DEFB129: variants seen among roughly 807,000 people sequenced by gnomAD.
DEFB129 encodes defensin beta 129.
In DEFB129, 2 loss-of-function variants were observed where a neutral mutation model predicts 2.5. That is an observed-to-expected ratio of 0.80 (90% CI 0.33 to 2.53). DEFB129 has a LOEUF of 2.53. Among genes scored for constraint, DEFB129 ranks in the 30% most tolerant of loss-of-function variants. DEFB129 has a pLI of 0.11. For synonymous variants in DEFB129, 76 were observed against 74.4 expected (o/e 1.02, Z -0.11); for missense variants, 177 against 216.9 (o/e 0.82, Z 1.16).
rs546734322 is a variant in DEFB129 at position 229,329 on chromosome 20, A to G, written c.110A>G (p.His37Arg). The change falls in exon 2 of 2, where the codon CAC becomes CGC. Residue 37 changes from histidine (H) to arginine (R), a missense_variant. Coordinates refer to ENST00000246105, the MANE Select transcript of DEFB129 (RefSeq NM_080831.4). ...ATGGGTTTGGGGAGATGCAGGGATC[A>G]CTGCAATGTGGATGAAAAAGAGATA... ...CLMGLGRCRD[H>R]CNVDEKEIQK... 3.1e-6 allele frequency: 5 copies of G among 1,613,226 alleles called. No individual in the cohort carries two copies. The East Asian group carries it at 8.9e-5, about 29-fold the overall frequency.
chr20:229,226 A>G (rs1568480389), intron 1 of DEFB129, 52 bp from the exon 2 acceptor site: 4 of 1,529,714 alleles, frequency 2.6e-6, no homozygotes, highest in East Asian at 4.5e-5. Context: ...CAGTTTTAAC[A>G]TCATCTCTAG....
At chr20:228,985 T>C (rs1331328665) in intron 1 of DEFB129, among the ~76,000 whole-genome samples, 2 of 152,224 alleles carry the variant, frequency 1.3e-5, no homozygotes, top group Admixed American at 6.5e-5. Flanking sequence ...AGATGCTAAG[T>C]TGAAGGTCTA....
chr20:229,706 G>T lies in DEFB129; in HGVS notation c.487G>T (p.Ala163Ser). Residue 163 changes from alanine (A) to serine (S), a missense_variant, in exon 2 of 2, where the codon GCA becomes TCA. Transcript: ENST00000246105. ...RDSATASPPP[A>S]PPPPNILPTP... ...TTCTGCCACTGCCTCGCCACCACCA[G>T]CACCACCTCCACCAAACATACTGCC... 2 of 1,613,660 alleles carry T rather than the reference G, an allele frequency of 1.2e-6. No individual in the cohort carries two copies. Among genetic ancestry groups the T allele is most frequent in the Non-Finnish European group, 1.7e-6 (2 of 1,179,994 alleles).
At position 229,871 on chromosome 20, in the gene DEFB129, T is replaced by G. The variant is rs2011322881; in HGVS notation, c.*100T>G. On this transcript the variant is annotated 3_prime_UTR_variant, in exon 2 of 2. Coordinates refer to ENST00000246105, the MANE Select transcript of DEFB129 (RefSeq NM_080831.4). ...CTGTCATCAGTCATTCAATAAACAC[T>G]GTTTGAGCACCTACAGTTTATGTAA... 1 of 1,442,380 alleles carries G rather than the reference T, an allele frequency of 6.9e-7. No individual in the cohort carries two copies. Among genetic ancestry groups the G allele is most frequent in the Non-Finnish European group, 9.2e-7 (1 of 1,089,434 alleles). 89.3% of individuals were successfully genotyped at this position (1,442,380 alleles called of 1,614,324 possible). A position where few individuals can be genotyped will look rare whatever the true frequency, so the allele number is the denominator to read the frequency against.
intron 1 of DEFB129, among the ~76,000 whole-genome samples, chr20:227,694 C>CTTTT (rs111503819): frequency 6.3e-5 from 9 of 143,438 alleles, no homozygotes; most frequent in South Asian, 2.1e-4. Context: ...CTTAAAAGCC[C>CTTTT]TTTTTTTTTA....
chr20:229,828 G>T lies in DEFB129; in HGVS notation c.*57G>T. The stretch of plus-strand genomic sequence containing the variant: ...TCTCTATTTTTGCTATCTATAAAAT[G>T]ACATAGAACTGTTTCCTCTGTCATC... On this transcript the variant is annotated 3_prime_UTR_variant, in exon 2 of 2. Coordinates refer to ENST00000246105, the MANE Select transcript of DEFB129 (RefSeq NM_080831.4). 1 of 1,545,784 alleles carries T rather than the reference G, an allele frequency of 6.5e-7. No homozygotes were observed.
chr20:227,859 C>T (rs1244889138), intron 1 of DEFB129, among the ~76,000 whole-genome samples: 2 of 152,170 alleles, frequency 1.3e-5, no homozygotes, highest in Non-Finnish European at 2.9e-5. Context: ...ACCCAACAGG[C>T]CCCAGTGTGT....
intron 1 of DEFB129, among the ~76,000 whole-genome samples, chr20:228,592 G>A (rs978093353): frequency 2.0e-4 from 30 of 152,146 alleles, no homozygotes; most frequent in Admixed American, 2.0e-3. Context: ...AAAGAAACAC[G>A]AGACATTAGG....
At chr20:227,509 T>A (rs1045684301) in intron 1 of DEFB129, among the ~76,000 whole-genome samples, 163 bp downstream of exon 1, 18 of 152,202 alleles carry the variant, frequency 1.2e-4, no homozygotes, top group African/African-American at 4.3e-4. Context: ...TACATTCTCA[T>A]AGGCCCCAAC....
chr20:227,665 C>G (rs2011296299), intron 1 of DEFB129, among the ~76,000 whole-genome samples: 1 of 151,940 alleles, frequency 6.6e-6, no homozygotes, highest in Non-Finnish European at 1.5e-5. Flanking sequence ...GGTCTACCTC[C>G]TTTTAGCTCT....
In DEFB129 at chr20:227,300, T is replaced by C; in HGVS notation, c.12T>C (p.Leu4=). The change falls in exon 1 of 2, where the codon CTT becomes CTC. Residue 4 remains leucine, a synonymous_variant. Transcript: ENST00000246105. MKL[L]FPIFASLMLQ... ...TCTGGCACCCAACCATGAAGCTCCTTTTTCCTATCTTTGCCAGCCTCATGC... is the reference window on the plus strand; with the variant it reads ...TCTGGCACCCAACCATGAAGCTCCTCTTTCCTATCTTTGCCAGCCTCATGC... 1 of 1,614,092 alleles carries C rather than the reference T, an allele frequency of 6.2e-7. No homozygotes were observed. Among genetic ancestry groups the C allele is most frequent in the Non-Finnish European group, 8.5e-7 (1 of 1,179,974 alleles).
Position 227,287 on chromosome 20 carries a change from C to A in DEFB129, c.-2C>A. The A allele has an allele frequency of 1.2e-6, 2 of 1,614,132 alleles. No homozygotes were observed. Among genetic ancestry groups the A allele is most frequent in the Non-Finnish European group, 1.7e-6 (2 of 1,179,970 alleles). ...TCAAGGCTTCCTCTCTGGCACCCAA[C>A]CATGAAGCTCCTTTTTCCTATCTTT... On this transcript the variant is annotated 5_prime_UTR_variant, in exon 1 of 2. Transcript: ENST00000246105.
Position 227,307 on chromosome 20 carries a change from ATCTTTGCCAGCCTCATGC to A in DEFB129, c.21_38del (p.Phe8_Leu13del). ...CCCAACCATGAAGCTCCTTTTTCCT[ATCTTTGCCAGCCTCATGC>A]TACAGTACCAGGTGAACACAGGTAA... On this transcript the variant is annotated inframe_deletion, in exon 1 of 2. Transcript: ENST00000246105. The A allele has an allele frequency of 6.2e-7, 1 of 1,614,106 alleles. No individual in the cohort carries two copies. Among genetic ancestry groups the A allele is most frequent in the African/African-American group, 1.3e-5 (1 of 75,046 alleles).
intron 1 of DEFB129, among the ~76,000 whole-genome samples, chr20:228,922 T>C (rs1161024782): frequency 2.6e-5 from 4 of 152,216 alleles, no homozygotes; most frequent in South Asian, 4.1e-4. Flanking sequence ...TTGGCTCTCA[T>C]TGGTATTTCC....
chr20:229,524 T>C lies in DEFB129; in HGVS notation c.305T>C (p.Leu102Pro). The C allele has an allele frequency of 6.2e-7, 1 of 1,614,134 alleles. No homozygotes were observed. Among genetic ancestry groups the C allele is most frequent in the Non-Finnish European group, 8.5e-7 (1 of 1,180,024 alleles). Residue 102 changes from leucine to proline, a missense_variant, in exon 2 of 2, where the codon CTC becomes CCC. Transcript: ENST00000246105. The stretch of plus-strand genomic sequence containing the variant: ...CAAAGAAAACATATTTTATCTGTTC[T>C]CCCCCAAATCAAAAGCACTAGCTTT... The part of the protein sequence containing the change: ...VIQRKHILSV[L>P]PQIKSTSFFA...
At position 229,512 on chromosome 20, in the gene DEFB129, T is replaced by C. The variant is rs1374224408; in HGVS notation, c.293T>C (p.Ile98Thr). The C allele has an allele frequency of 6.2e-7, 1 of 1,613,834 alleles. No homozygotes were observed. Among genetic ancestry groups the C allele is most frequent in the Non-Finnish European group, 8.5e-7 (1 of 1,179,912 alleles). ...NSSAVIQRKH[I>T]LSVLPQIKST... ...AGTGCTGTGATACAAAGAAAACATATTTTATCTGTTCTCCCCCAAATCAAA... is the reference window on the plus strand; with the variant it reads ...AGTGCTGTGATACAAAGAAAACATACTTTATCTGTTCTCCCCCAAATCAAA... Residue 98 changes from isoleucine (I) to threonine (T), a missense_variant, in exon 2 of 2, where the codon ATT (isoleucine) becomes ACT (threonine). Ile to Thr is a moderately conservative substitution (Grantham distance 89, BLOSUM62 -1). Coordinates refer to ENST00000246105, the MANE Select transcript of DEFB129 (RefSeq NM_080831.4).
chr20:229,129 C>T (rs1247590845), intron 1 of DEFB129, 149 bp from the exon 2 acceptor site: 1 of 1,002,096 alleles, frequency 1.0e-6, no homozygotes, highest in Admixed American at 3.1e-5. Flanking sequence ...TCTCAGCCTG[C>T]CCATTTGCCT....
At chr20:227,900 G>A (rs1227118384) in intron 1 of DEFB129, among the ~76,000 whole-genome samples, 5 of 152,048 alleles carry the variant, frequency 3.3e-5, no homozygotes, top group African/African-American at 9.7e-5. Flanking sequence ...ACCACCTCTT[G>A]AAGCAAAGTT....
At chr20:227,915 A>G (rs1437997623) in intron 1 of DEFB129, among the ~76,000 whole-genome samples, 1 of 152,108 alleles carries the variant, frequency 6.6e-6, no homozygotes, top group African/African-American at 2.4e-5. Flanking sequence ...AAAGTTTCCT[A>G]TCAGTTTGTG....
Sources: allele counts gnomAD v4.1 joint callset (sites outside exome capture counted in the v4.1 genomes callset), GRCh38; gene constraint gnomAD v4.1.1; transcripts MANE v1.5; gene names NCBI Gene and HGNC (gene_info 2026-07-23, HGNC 2026-07-21).